Variants in MXD3 observed in about 807,000 individuals in gnomAD.
MXD3 encodes MAX dimerization protein 3, also known as Max-associated protein 3.
A neutral mutation model predicts 27.5 loss-of-function variants in MXD3; 20 were observed. The ratio of observed to expected loss-of-function variants is 0.73; its 90% confidence interval spans 0.51 to 1.06. The LOEUF (loss-of-function observed/expected upper bound fraction) is 1.06, where lower values mean the gene tolerates loss of function less well. MXD3 is among the 50% of genes least tolerant of loss of function. The probability of loss-of-function intolerance (pLI) is 0.00; values close to 1 mark genes in which losing one functional copy is unlikely to be tolerated. For synonymous variants in MXD3, 150 were observed against 130.7 expected, an observed-to-expected ratio of 1.15 and a Z score of -1.01; for missense variants, 298 against 291.3, an observed-to-expected ratio of 1.02 and a Z score of -0.17.
rs1255004265 is a variant in MXD3, at chr5:177,311,482, C to T, written c.73G>A (p.Ala25Thr). 3.5e-6 allele frequency: 5 copies of T among 1,433,004 alleles called. No homozygotes were observed. In the African/African-American group the frequency reaches 4.4e-5, roughly 13 times the overall value. The allele number at this position is 1,433,004 out of a possible 1,614,324, so 88.8% of individuals were successfully genotyped here. ...CACAGGGACGCATAACCATGCTCGGCCTCTGCCAGAGAGAGTCCCCGCCCG... is the reference window on the plus strand; with the variant it reads ...CACAGGGACGCATAACCATGCTCGGTCTCTGCCAGAGAGAGTCCCCGCCCG... ...AEFLERRERE[A>T]EHGYASLCPH... Residue 25 changes from alanine (A) to threonine (T), a missense_variant and splice_region_variant, in exon 2 of 6, where the codon GCC (alanine) becomes ACC (threonine). Ala to Thr is a moderately conservative substitution (Grantham distance 58, BLOSUM62 0). Coordinates refer to ENST00000439742, the MANE Select transcript of MXD3 (RefSeq NM_031300.4).
At chr5:177,310,769 T>C in intron 2 of MXD3, 72 bp from the exon 3 acceptor site, 2 of 1,576,042 alleles carry the variant, frequency 1.3e-6, no homozygotes. Context: ...GGGCCCCCAG[T>C]GGCTCAAGAG....
chr5:177,308,136 C>T, intron 4 of MXD3, 172 bp from the exon 5 acceptor site: 1 of 624,898 alleles, frequency 1.6e-6, no homozygotes, highest in Non-Finnish European at 2.7e-6. Context: ...AAAGCCAGCC[C>T]CTTTCCGGCC....
upstream of MXD3, chr5:177,312,637 G>A: frequency 1.0e-6 from 1 of 985,492 alleles, no homozygotes; most frequent in Non-Finnish European, 1.2e-6. Context: ...GTGTCGAATG[G>A]GAATAATATC....
chr5:177,312,098 C>G, upstream of MXD3: 1 of 1,159,956 alleles, frequency 8.6e-7, no homozygotes, highest in Non-Finnish European at 1.1e-6. Flanking sequence ...AGGCCTGGCC[C>G]TGGAGCGAAC....
upstream of MXD3, chr5:177,312,317 C>A (rs1248290159): frequency 1.0e-6 from 1 of 986,666 alleles, no homozygotes; most frequent in Non-Finnish European, 1.2e-6. Flanking sequence ...CCGCCGCTCG[C>A]CCATTCGCAC....
chr5:177,307,132 C>G, downstream of MXD3: 1 of 1,530,836 alleles, frequency 6.5e-7, no homozygotes, highest in South Asian at 1.2e-5. Flanking sequence ...GTGATGGGAA[C>G]TGATATTATT....
intron 4 of MXD3, 136 bp downstream of exon 4, chr5:177,310,290 G>C (rs1469979824): frequency 1.6e-6 from 1 of 639,928 alleles, no homozygotes; most frequent in Non-Finnish European, 2.7e-6. Context: ...GAAAGTAAAA[G>C]CTCAGAGAGC....
Position 177,308,088 on chromosome 5 carries a change from A to G in MXD3, c.322-124T>C, listed in dbSNP as rs1297652361. ...TGCCCACTCCGGGCAGGTGGCGACTAAATCCAGGCCCCAGAGGGTTGCACC... is the reference window on the plus strand; with the variant it reads ...TGCCCACTCCGGGCAGGTGGCGACTGAATCCAGGCCCCAGAGGGTTGCACC... On this transcript the variant is annotated intron_variant, in intron 4 of 5. Coordinates refer to ENST00000439742, the MANE Select transcript of MXD3 (RefSeq NM_031300.4). The G allele has an allele frequency of 4.3e-6, 4 of 926,822 alleles. No homozygotes were observed. In the East Asian group the frequency reaches 1.1e-4, roughly 25 times the overall value. 57.4% of individuals were successfully genotyped at this position (926,822 alleles called of 1,614,324 possible). A position where few individuals can be genotyped will look rare whatever the true frequency, so the allele number is the denominator to read the frequency against.
chr5:177,305,796 T>A, downstream of MXD3: 1 of 1,247,540 alleles, frequency 8.0e-7, no homozygotes, highest in Non-Finnish European at 1.2e-6. Context: ...TCATGAAAAG[T>A]GACAGGGAGT....
At chr5:177,305,569 A>ACTGCATGCGT, downstream of MXD3, 1 of 365,716 alleles carries the variant, frequency 2.7e-6, no homozygotes, top group African/African-American at 2.1e-5. Context: ...CGGCTAAAAC[A>ACTGCATGCGT]CTGCATGCGT....
intron 4 of MXD3, among the ~76,000 whole-genome samples, chr5:177,308,350 C>G (rs1250460556): frequency 2.0e-5 from 3 of 152,068 alleles, no homozygotes; most frequent in African/African-American, 7.2e-5. Context: ...CCCGGTGTTA[C>G]CAGGTCTCCC....
chr5:177,310,971 T>C, intron 2 of MXD3: 2 of 584,602 alleles, frequency 3.4e-6, no homozygotes, highest in Middle Eastern at 4.5e-4. Context: ...CTCCCAGAGG[T>C]GACAGCTAAC....
intron 2 of MXD3, chr5:177,311,062 G>A: frequency 1.8e-6 from 1 of 545,630 alleles, no homozygotes; most frequent in Non-Finnish European, 3.2e-6. Context: ...AAAGGGCTGG[G>A]GAGAGGAGAG....
At chr5:177,308,162 C>G (rs1375707807) in intron 4 of MXD3, 198 bp from the exon 5 acceptor site, 55 of 582,036 alleles carry the variant, frequency 9.4e-5, no homozygotes, top group Non-Finnish European at 1.3e-4. Flanking sequence ...CACGTCCTGT[C>G]AGGGTGCTGC....
chr5:177,311,542 G>GC, intron 1 of MXD3, 58 bp from the exon 2 acceptor site: 1 of 1,325,712 alleles, frequency 7.5e-7, no homozygotes, highest in Non-Finnish European at 1.0e-6. Flanking sequence ...CCCAGCGGCA[G>GC]CCCCAGGCAC....
upstream of MXD3, chr5:177,312,049 G>A: frequency 8.1e-7 from 1 of 1,231,878 alleles, no homozygotes; most frequent in East Asian, 4.6e-5. Flanking sequence ...GCCCCGAGTG[G>A]TCTCAGACTT....
At chr5:177,306,350 T>A, downstream of MXD3, 2 of 1,603,652 alleles carry the variant, frequency 1.2e-6, no homozygotes, top group South Asian at 1.1e-5. Context: ...AGGAGATTGG[T>A]GTCATGGGGG....
rs770316539 is a variant in MXD3 at position 177,307,608 on chromosome 5, CGTGCGAGTAGCT to C, written c.589_600del (p.Ser197_His200del). The C allele has an allele frequency of 6.2e-7, 1 of 1,612,922 alleles. No individual in the cohort carries two copies. Among genetic ancestry groups the C allele is most frequent in the South Asian group, 1.1e-5 (1 of 91,064 alleles). ...GAACATCATAGCCAGGCGCCGCCGC[CGTGCGAGTAGCT>C]GTGCTCCTGGCCGGCGACGAAGCCC... On this transcript the variant is annotated inframe_deletion, in exon 6 of 6. Coordinates refer to ENST00000439742, the MANE Select transcript of MXD3 (RefSeq NM_031300.4).
chr5:177,310,996 T>A (rs540451246), intron 2 of MXD3: 1 of 578,540 alleles, frequency 1.7e-6, no homozygotes, highest in African/African-American at 1.9e-5. Flanking sequence ...GAAACAGATG[T>A]TTCCCAAGCC....
Sources: gnomAD v4.1 joint callset for allele counts (sites outside exome capture counted in the v4.1 genomes callset) on GRCh38, gnomAD v4.1.1 for gene constraint, MANE v1.5 for transcripts, NCBI Gene and HGNC (gene_info 2026-07-23, HGNC 2026-07-21) for gene names.